Variants in ROCK1 observed in about 807,000 individuals in gnomAD.
ROCK1 encodes Rho associated coiled-coil containing protein kinase 1, also known as rho-associated protein kinase 1.
Under a neutral mutation model 196.8 loss-of-function variants are expected in ROCK1, and 36 were observed. The ratio of observed to expected loss-of-function variants is 0.18; its 90% CI spans 0.14 to 0.24. The LOEUF (loss-of-function observed/expected upper bound fraction) is 0.24, where lower values mean the gene tolerates loss of function less well. ROCK1 is among the 10% of genes least tolerant of loss of function. ROCK1 has a pLI of 1.00. For synonymous variants in ROCK1, 443 were observed against 515.9 expected (o/e 0.86, Z 1.91); for missense variants, 920 against 1,562.0 (o/e 0.59, Z 6.93).
At chr18:21,018,842 C>CA (rs2035887945) in intron 12 of ROCK1, among the ~76,000 whole-genome samples, 3 of 152,114 alleles carry the variant, frequency 2.0e-5, no homozygotes, top group Admixed American at 2.0e-4. Flanking sequence ...GTTACCTTTG[C>CA]ATTTCATTTA....
intron 12 of ROCK1, 55 bp downstream of exon 12, chr18:21,020,096 G>T: frequency 9.7e-7 from 1 of 1,035,782 alleles, no homozygotes; most frequent in Non-Finnish European, 1.4e-6. Flanking sequence ...AAGCTTTCAA[G>T]TAAGTATTTG....
chr18:21,091,537 A>T (rs533301046), intron 1 of ROCK1, among the ~76,000 whole-genome samples: 1 of 47,508 alleles, frequency 2.1e-5, no homozygotes, highest in East Asian at 1.2e-3. Context: ...CAGGAGGCAG[A>T]GGTTGCAGTG....
intron 19 of ROCK1, 27 bp from the exon 20 acceptor site, chr18:20,984,562 C>A (rs2035561256): frequency 6.7e-7 from 1 of 1,502,676 alleles, no homozygotes; most frequent in African/African-American, 1.4e-5. Flanking sequence ...TAATTGGGAT[C>A]TTAAATCTCT....
At chr18:21,008,345 T>G in intron 13 of ROCK1, 151 bp from the exon 14 acceptor site, 2 of 530,950 alleles carry the variant, frequency 3.8e-6, no homozygotes, top group Non-Finnish European at 6.3e-6. Context: ...TAGTATCTCC[T>G]AATACAACTT....
chr18:21,084,019 T>G (rs1206181056), intron 1 of ROCK1, among the ~76,000 whole-genome samples: 2 of 152,128 alleles, frequency 1.3e-5, no homozygotes, highest in Non-Finnish European at 2.9e-5. Context: ...GACATAACCA[T>G]TCAATAATGG....
chr18:21,000,935 G>A (rs1359804520), intron 16 of ROCK1, among the ~76,000 whole-genome samples: 2 of 152,024 alleles, frequency 1.3e-5, no homozygotes, highest in Non-Finnish European at 2.9e-5. Context: ...TTAAAAACAG[G>A]TACTCCAACA....
At chr18:21,088,939 T>C (rs1225318256) in intron 1 of ROCK1, among the ~76,000 whole-genome samples, 1 of 152,162 alleles carries the variant, frequency 6.6e-6, no homozygotes, top group Non-Finnish European at 1.5e-5. Flanking sequence ...CAAATTTCCG[T>C]TCTTTATAAA....
chr18:21,041,072 G>A (rs2036101467), intron 8 of ROCK1, among the ~76,000 whole-genome samples: 1 of 151,778 alleles, frequency 6.6e-6, no homozygotes, highest in South Asian at 2.1e-4. Context: ...AGTGAGCCGA[G>A]ATCATGCCAC....
chr18:21,046,941 A>G (rs1456997042), intron 4 of ROCK1, among the ~76,000 whole-genome samples: 1 of 152,154 alleles, frequency 6.6e-6, no homozygotes, highest in African/African-American at 2.4e-5. Flanking sequence ...AAGTGCTCAG[A>G]TTACAAGCAT....
chr18:20,957,971 C>T (rs549571191), intron 29 of ROCK1, among the ~76,000 whole-genome samples: 7 of 152,118 alleles, frequency 4.6e-5, no homozygotes, highest in Admixed American at 2.6e-4. Flanking sequence ...TAAAGAAATA[C>T]GATTTTTTTA....
chr18:21,020,831 G>A (rs1445410645), intron 11 of ROCK1, among the ~76,000 whole-genome samples: 1 of 152,176 alleles, frequency 6.6e-6, no homozygotes, highest in Non-Finnish European at 1.5e-5. Context: ...GAATGTAATA[G>A]GAAAAACAAC....
At chr18:21,104,557 A>G (rs2143606538) in intron 1 of ROCK1, among the ~76,000 whole-genome samples, 1 of 152,334 alleles carries the variant, frequency 6.6e-6, no homozygotes, top group South Asian at 2.1e-4. Flanking sequence ...AGATAGCGCC[A>G]CGGCACTTCG....
At chr18:21,072,478 T>A (rs2036394070) in intron 1 of ROCK1, among the ~76,000 whole-genome samples, 1 of 152,170 alleles carries the variant, frequency 6.6e-6, no homozygotes, top group African/African-American at 2.4e-5. Context: ...AGCTGCACAA[T>A]GCAAGGAATG....
chr18:21,029,057 C>T, intron 9 of ROCK1, 122 bp from the exon 10 acceptor site: 2 of 883,730 alleles, frequency 2.3e-6, no homozygotes, highest in East Asian at 5.2e-5. Flanking sequence ...CAAATTCCAC[C>T]TGGCTTGAAT....
rs571203464 is a variant in ROCK1, at chr18:21,054,822, T to C, written c.176-4942A>G. On this transcript the variant is annotated intron_variant, in intron 2 of 32. Transcript: ENST00000399799. ...ACCTTACCTTGGTCACTCATTTCCATGGTCATATACTAGACCTTGTCATTA... is the reference window on the plus strand; with the variant it reads ...ACCTTACCTTGGTCACTCATTTCCACGGTCATATACTAGACCTTGTCATTA... Among the ~76,000 whole-genome samples, 7 of 152,332 alleles carry C rather than the reference T, an allele frequency of 4.6e-5. No homozygotes were observed. The South Asian group carries it at 8.3e-4, about 18-fold the overall frequency.
At chr18:20,994,175 G>A (rs566551390) in intron 16 of ROCK1, among the ~76,000 whole-genome samples, 1 of 152,204 alleles carries the variant, frequency 6.6e-6, no homozygotes, top group Admixed American at 6.5e-5. Context: ...GTTGCAGTAA[G>A]TTCATGTAGG....
chr18:21,007,251 T>C (rs1032389901), intron 14 of ROCK1, among the ~76,000 whole-genome samples: 1 of 152,124 alleles, frequency 6.6e-6, no homozygotes, highest in Non-Finnish European at 1.5e-5. Flanking sequence ...CCCTAATATA[T>C]ATTTAATTTA....
At chr18:20,968,179 A>G (rs1322801313) in intron 25 of ROCK1, among the ~76,000 whole-genome samples, 1 of 152,176 alleles carries the variant, frequency 6.6e-6, no homozygotes, top group African/African-American at 2.4e-5. Context: ...GTACTGAATC[A>G]AGAGTATGCT....
chr18:21,069,055 T>C (rs539070611), intron 2 of ROCK1, among the ~76,000 whole-genome samples: 1 of 152,252 alleles, frequency 6.6e-6, no homozygotes, highest in East Asian at 1.9e-4. Context: ...GGGAAAAGCA[T>C]TCGTCTTAAA....
Sources: gnomAD v4.1 joint callset for allele counts (sites outside exome capture counted in the v4.1 genomes callset) on GRCh38, gnomAD v4.1.1 for gene constraint, MANE v1.5 for transcripts, NCBI Gene and HGNC (gene_info 2026-07-23, HGNC 2026-07-21) for gene names.